SGCD: variants seen among roughly 807,000 people sequenced by gnomAD.
SGCD encodes the protein sarcoglycan delta.
SGCD carries 18 observed loss-of-function variants against 36.6 expected under a neutral mutation model. The observed-to-expected ratio is 0.49, with a 90% CI of 0.34 to 0.73. The LOEUF (loss-of-function observed/expected upper bound fraction) is 0.73. Among genes scored for constraint, SGCD ranks in the 30% least tolerant of loss-of-function variants. The pLI is 0.01. For synonymous variants in SGCD, 133 were observed against 130.6 expected (o/e 1.02, Z -0.12); for missense variants, 387 against 346.7 (o/e 1.12, Z -0.92).
the SGCD span, among the ~76,000 whole-genome samples, chr5:155,850,699 G>C: frequency 6.6e-6 from 1 of 152,130 alleles, no homozygotes; most frequent in Non-Finnish European, 1.5e-5. Context: ...ACGCTCACTG[G>C]GTTCTGTCTG....
rs573085929 is a variant in SGCD, at chr5:156,186,605, C to A, written c.-44+62586C>A. On this transcript the variant is annotated intron_variant, in intron 3 of 9. Transcript: ENST00000517913. ...TCTGCTTAGCTGCTTAATGCTCTCT[C>A]TGCTTACATACACGACTATATGCAA... Among the ~76,000 whole-genome samples, 19 of 152,302 alleles carry A rather than the reference C, an allele frequency of 1.2e-4. No homozygotes were observed. The South Asian group carries it at 3.9e-3, about 32-fold the overall frequency.
chr5:156,111,646 C>A (rs369682833), intron 1 of SGCD, among the ~76,000 whole-genome samples: 17 of 149,104 alleles, frequency 1.1e-4, no homozygotes, highest in African/African-American at 4.1e-4. Flanking sequence ...TGATGTGTAG[C>A]TAGTCATGTG....
At chr5:155,834,196 A>ATT in the SGCD span, among the ~76,000 whole-genome samples, 2 of 33,454 alleles carry the variant, frequency 6.0e-5, no homozygotes, top group African/African-American at 1.2e-4. Flanking sequence ...CTCCTTTAAG[A>ATT]CTAAATACTC....
rs1355120654 is a variant in SGCD at position 156,528,383 on chromosome 5, A to G, written c.294+19681A>G. Among the ~76,000 whole-genome samples the G allele has an allele frequency of 2.3e-4, 35 of 152,204 alleles. 1 individual carries two copies. Among genetic ancestry groups the G allele is most frequent in the Admixed American group, 2.3e-3 (35 of 15,280 alleles). On this transcript the variant is annotated intron_variant, in intron 4 of 8. Coordinates refer to ENST00000337851, the MANE Select transcript of SGCD (RefSeq NM_000337.6). ...GAAAATAATACTATATATTATTAGC[A>G]TTTATTAATACTATTATCTTTTTTT...
chr5:155,737,387 A>C, the SGCD span, among the ~76,000 whole-genome samples: 365 of 152,334 alleles, frequency 2.4e-3, 1 homozygote, highest in South Asian at 7.1e-3. Flanking sequence ...TTACATGTGG[A>C]GACACAATAT....
At chr5:156,381,257 C>T (rs535892774) in intron 3 of SGCD, among the ~76,000 whole-genome samples, 4 of 152,290 alleles carry the variant, frequency 2.6e-5, no homozygotes, top group East Asian at 1.9e-4. Flanking sequence ...TGCTTGAGCA[C>T]TCCTTATCAT....
At chr5:156,117,334 G>A (rs1761928521) in intron 1 of SGCD, among the ~76,000 whole-genome samples, 1 of 151,878 alleles carries the variant, frequency 6.6e-6, no homozygotes, top group South Asian at 2.1e-4. Flanking sequence ...ACCCAGCATG[G>A]CACCATTGTA....
intron 1 of SGCD, among the ~76,000 whole-genome samples, chr5:156,049,185 T>G (rs1317248678): frequency 6.8e-6 from 1 of 146,292 alleles, no homozygotes; most frequent in Non-Finnish European, 1.5e-5. Context: ...TTGGTCTATA[T>G]CTCTGTTTTG....
intron 4 of SGCD, among the ~76,000 whole-genome samples, chr5:156,546,721 A>G (rs1451674102): frequency 6.6e-6 from 1 of 152,220 alleles, no homozygotes; most frequent in Non-Finnish European, 1.5e-5. Flanking sequence ...TCAGGTAGGA[A>G]TTACATGGAT....
the SGCD span, among the ~76,000 whole-genome samples, chr5:155,811,289 CA>C: frequency 6.6e-6 from 1 of 152,118 alleles, no homozygotes; most frequent in South Asian, 2.1e-4. Flanking sequence ...AGAGCAACAA[CA>C]ACAACAACAA....
At chr5:156,251,996 C>T (rs1896632) in intron 3 of SGCD, among the ~76,000 whole-genome samples, 122,989 of 152,166 alleles carry the variant, frequency 0.81, 50,369 homozygotes, top group African/African-American at 0.93. Context: ...ATAACTTTGT[C>T]TTACTTTAAA....
chr5:156,401,752 C>T (rs1271595288), intron 3 of SGCD, among the ~76,000 whole-genome samples: 3 of 128,390 alleles, frequency 2.3e-5, no homozygotes, highest in Non-Finnish European at 5.4e-5. Flanking sequence ...ATGGTCTTTT[C>T]CCTCTTTTTA....
intron 1 of SGCD, among the ~76,000 whole-genome samples, chr5:155,913,022 T>C (rs1028066735): frequency 2.0e-5 from 3 of 152,162 alleles, no homozygotes; most frequent in African/African-American, 7.2e-5. Context: ...AACTTTTGCA[T>C]TGTGATGTAT....
chr5:156,387,692 G>A (rs1202135016), intron 3 of SGCD, among the ~76,000 whole-genome samples: 1 of 152,132 alleles, frequency 6.6e-6, no homozygotes, highest in Non-Finnish European at 1.5e-5. Flanking sequence ...AACTTTCTGA[G>A]ATGTTGGGAA....
At chr5:156,078,082 T>A (rs1760838761) in intron 1 of SGCD, among the ~76,000 whole-genome samples, 1 of 152,048 alleles carries the variant, frequency 6.6e-6, no homozygotes, top group Non-Finnish European at 1.5e-5. Context: ...TGTAGGTGAG[T>A]AACCAAATCT....
intron 3 of SGCD, among the ~76,000 whole-genome samples, chr5:156,318,070 A>G (rs1308255818): frequency 2.0e-5 from 3 of 152,198 alleles, no homozygotes; most frequent in Admixed American, 1.3e-4. Flanking sequence ...GAGACTTAGA[A>G]AGCTGATTCT....
In SGCD at chr5:156,054,442, C is replaced by A. The variant is rs184590014; in HGVS notation, c.-281-63436C>A. On this transcript the variant is annotated intron_variant, in intron 1 of 9. Coordinates refer to the SGCD transcript ENST00000517913. ...CTGGGACTACAGGCACCCGCCACCA[C>A]GCCTGGCTAATTTTTTGTATTTTTA... Among the ~76,000 whole-genome samples, 368 of 144,956 alleles carry A rather than the reference C, an allele frequency of 2.5e-3. 21 individuals are homozygous for A. Among genetic ancestry groups the A allele is most frequent in the African/African-American group, 8.8e-3 (357 of 40,392 alleles).
chr5:156,497,586 T>C (rs548117803), intron 3 of SGCD, among the ~76,000 whole-genome samples: 1 of 152,082 alleles, frequency 6.6e-6, no homozygotes, highest in East Asian at 1.9e-4. Flanking sequence ...GTTACATATG[T>C]ATAATGCTCT....
intron 1 of SGCD, among the ~76,000 whole-genome samples, chr5:156,016,530 T>A (rs1344704271): frequency 6.6e-6 from 1 of 152,172 alleles, no homozygotes; most frequent in Non-Finnish European, 1.5e-5. Context: ...CACCCCTTTA[T>A]AGATAACAAA....
Sources: gnomAD v4.1 joint callset for allele counts (sites outside exome capture counted in the v4.1 genomes callset) on GRCh38, gnomAD v4.1.1 for gene constraint, MANE v1.5 for transcripts, NCBI Gene and HGNC (gene_info 2026-07-23, HGNC 2026-07-21) for gene names.